Variants in CACNA2D3 observed in about 807,000 individuals in gnomAD.
CACNA2D3 encodes the protein calcium voltage-gated channel auxiliary subunit alpha2delta 3, also known as voltage-dependent calcium channel subunit alpha-2/delta-3.
CACNA2D3 carries 60 observed loss-of-function variants against 160.6 expected under a neutral mutation model. The ratio of observed to expected loss-of-function variants is 0.37; its 90% confidence interval spans 0.30 to 0.46. CACNA2D3 has a LOEUF of 0.46. Among genes scored for constraint, CACNA2D3 ranks in the 20% least tolerant of loss-of-function variants. The pLI, the probability that CACNA2D3 is intolerant of heterozygous loss-of-function variation, is 1.00. For missense variants in CACNA2D3, 1,205 were observed against 1,365.0 expected, an observed-to-expected ratio of 0.88 and a Z score of 1.85; for synonymous variants, 558 against 492.9, an observed-to-expected ratio of 1.13 and a Z score of -1.75.
chr3:54,984,905 T>C (rs2107103187), intron 30 of CACNA2D3, among the ~76,000 whole-genome samples: 1 of 152,136 alleles, frequency 6.6e-6, no homozygotes, highest in Non-Finnish European at 1.5e-5. Flanking sequence ...GTGCCCAGGG[T>C]CTGTTCTCTC....
intron 10 of CACNA2D3, chr3:54,632,507 TGAG>T (rs1699263176): frequency 6.6e-6 from 1 of 152,230 alleles, no homozygotes; most frequent in Admixed American, 6.5e-5. Flanking sequence ...AACAACCTGT[TGAG>T]AAGACCAGGG....
intron 29 of CACNA2D3, among the ~76,000 whole-genome samples, chr3:54,971,219 A>G (rs979065324): frequency 2.0e-5 from 3 of 152,196 alleles, no homozygotes; most frequent in African/African-American, 4.8e-5. Context: ...GTGAAGTTGT[A>G]TGGTCCACAC....
chr3:54,454,572 C>T (rs1357082019), intron 4 of CACNA2D3, among the ~76,000 whole-genome samples: 1 of 151,810 alleles, frequency 6.6e-6, no homozygotes, highest in East Asian at 2.0e-4. Flanking sequence ...GTACATCCAT[C>T]ACCTCAAACA....
At chr3:54,205,784 A>G (rs953118219) in intron 2 of CACNA2D3, among the ~76,000 whole-genome samples, 4 of 152,164 alleles carry the variant, frequency 2.6e-5, no homozygotes, top group African/African-American at 9.7e-5. Context: ...AAGGGAGGTA[A>G]GAAAGGGTTG....
At chr3:55,068,938 A>G (rs1029882243) in intron 35 of CACNA2D3, among the ~76,000 whole-genome samples, 1 of 152,244 alleles carries the variant, frequency 6.6e-6, no homozygotes, top group African/African-American at 2.4e-5. Flanking sequence ...TCCTCATAGT[A>G]GCTATAAGTT....
intron 11 of CACNA2D3, among the ~76,000 whole-genome samples, chr3:54,684,135 A>C (rs1220349457): frequency 6.6e-6 from 1 of 151,516 alleles, no homozygotes; most frequent in Non-Finnish European, 1.5e-5. Context: ...TAATTTTTGT[A>C]TTTTTAGTAG....
chr3:54,331,215 T>C (rs1208472669), intron 3 of CACNA2D3, among the ~76,000 whole-genome samples: 1 of 152,138 alleles, frequency 6.6e-6, no homozygotes, highest in Non-Finnish European at 1.5e-5. Flanking sequence ...TGTAGTGATA[T>C]TAAAATATCC....
At chr3:54,869,696 C>T (rs1251796095) in intron 17 of CACNA2D3, among the ~76,000 whole-genome samples, 6 of 152,146 alleles carry the variant, frequency 3.9e-5, no homozygotes. Context: ...TCTAAGTCCT[C>T]AGGGGGACAC....
chr3:55,050,034 T>A (rs1249276835), intron 35 of CACNA2D3, among the ~76,000 whole-genome samples: 1 of 151,420 alleles, frequency 6.6e-6, no homozygotes, highest in African/African-American at 2.4e-5. Flanking sequence ...TACAGCACAC[T>A]GATGGGTCTT....
At chr3:54,998,476 G>A (rs1275599890) in intron 31 of CACNA2D3, among the ~76,000 whole-genome samples, 1 of 152,100 alleles carries the variant, frequency 6.6e-6, no homozygotes, top group Admixed American at 6.5e-5. Context: ...TCTTACCTGG[G>A]TAAGATGCTG....
chr3:54,139,756 A>G (rs1216123725), intron 2 of CACNA2D3, among the ~76,000 whole-genome samples: 1 of 151,504 alleles, frequency 6.6e-6, no homozygotes. Context: ...ACTGCCAAAT[A>G]AAAAAAAAGC....
At chr3:54,293,384 A>G (rs1332875286) in intron 2 of CACNA2D3, among the ~76,000 whole-genome samples, 1 of 152,040 alleles carries the variant, frequency 6.6e-6, no homozygotes, top group Non-Finnish European at 1.5e-5. Flanking sequence ...CCCATAGTCC[A>G]TTATATCATT....
intron 11 of CACNA2D3, among the ~76,000 whole-genome samples, chr3:54,740,575 C>T (rs1385123888): frequency 1.3e-5 from 2 of 152,144 alleles, no homozygotes; most frequent in African/African-American, 4.8e-5. Flanking sequence ...TCTGATCTGT[C>T]CTTCCCCCTT....
intron 11 of CACNA2D3, among the ~76,000 whole-genome samples, chr3:54,732,839 A>T (rs996855557): frequency 3.3e-5 from 5 of 152,240 alleles, no homozygotes; most frequent in African/African-American, 1.2e-4. Context: ...AAAAAGTCAA[A>T]AGGTCAGAGC....
At chr3:54,367,327 C>T (rs1028655912) in intron 3 of CACNA2D3, among the ~76,000 whole-genome samples, 1 of 152,198 alleles carries the variant, frequency 6.6e-6, no homozygotes, top group Non-Finnish European at 1.5e-5. Context: ...AATGGCAGTT[C>T]TGCTCCTAGC....
intron 2 of CACNA2D3, among the ~76,000 whole-genome samples, chr3:54,213,552 C>A (rs1701414017): frequency 6.6e-6 from 1 of 152,134 alleles, no homozygotes; most frequent in African/African-American, 2.4e-5. Flanking sequence ...TGGTCCTCAC[C>A]TGAGGAGCAT....
intron 18 of CACNA2D3, chr3:54,878,630 A>T (rs192599173): frequency 1.1e-3 from 168 of 151,180 alleles, no homozygotes; most frequent in African/African-American, 4.1e-3. Context: ...CTTTAACTTG[A>T]TTACGTTTTG....
chr3:54,321,304 C>T (rs561805254), intron 3 of CACNA2D3, among the ~76,000 whole-genome samples: 4 of 143,070 alleles, frequency 2.8e-5, no homozygotes, highest in Admixed American at 1.4e-4. Flanking sequence ...TGGGTGACAG[C>T]GTGAGACTCC....
In CACNA2D3 at chr3:54,245,308, GGT is replaced by G. The variant is rs58946501; in HGVS notation, c.205-75116_205-75115del. 9.2e-3 allele frequency among the ~76,000 whole-genome samples: 1,375 copies of G among 148,934 alleles called. 21 individuals are homozygous for G. Among genetic ancestry groups the G allele is most frequent in the East Asian group, 0.046 (234 of 5,102 alleles). ...TTGTATGTAAGTGTGCATGTGTATG[GGT>G]GTGTGTGTGTGTGTGTGGGAGAGAG... On this transcript the variant is annotated intron_variant, in intron 2 of 37. Transcript: ENST00000474759.
Sources: allele counts gnomAD v4.1 joint callset (sites outside exome capture counted in the v4.1 genomes callset), GRCh38; gene constraint gnomAD v4.1.1; transcripts MANE v1.5; gene names NCBI Gene and HGNC (gene_info 2026-07-23, HGNC 2026-07-21).